SRRM2: variants seen among roughly 807,000 people sequenced by gnomAD.
SRRM2 encodes serine/arginine repetitive matrix 2.
In SRRM2, 30 loss-of-function variants were observed where a neutral mutation model predicts 213.8. That is an observed-to-expected ratio of 0.14 (90% CI 0.10 to 0.19). SRRM2 has a LOEUF of 0.19. SRRM2 is among the 10% of genes least tolerant of loss of function. The pLI is 1.00. For missense variants in SRRM2, 4,904 were observed against 3,647.0 expected, an observed-to-expected ratio of 1.34 and a Z score of -8.88; for synonymous variants, 2,025 against 1,377.7, an observed-to-expected ratio of 1.47 and a Z score of -10.40.
intron 10 of SRRM2, 108 bp from the exon 11 acceptor site, chr16:2,761,453 G>T: frequency 1.2e-6 from 1 of 863,838 alleles, no homozygotes; most frequent in South Asian, 2.7e-5. Flanking sequence ...TGTGGTCAGA[G>T]GGTGTGTAAA....
intron 1 of SRRM2, among the ~76,000 whole-genome samples, chr16:2,755,731 T>G (rs2068117733): frequency 6.6e-6 from 1 of 152,236 alleles, no homozygotes; most frequent in Non-Finnish European, 1.5e-5. Flanking sequence ...GGTGTGAGGC[T>G]GCACATTCTG....
Position 2,767,065 on chromosome 16 carries a change from C to T in SRRM2, c.6537C>T (p.Ser2179=), listed in dbSNP as rs1444166197. The change falls in exon 11 of 15, where the codon TCC becomes TCT. Residue 2179 remains serine (S), a synonymous_variant. Transcript: ENST00000301740. ...CTGTGCCAGAAAATCATGCTCAGTC[C>T]AGGATTGCACTTGCCCTGACAGCTA... The part of the protein sequence containing the change: ...RTSVPENHAQ[S]RIALALTAIS... 7.4e-6 allele frequency: 12 copies of T among 1,614,066 alleles called. No individual in the cohort carries two copies. Among genetic ancestry groups the T allele is most frequent in the Non-Finnish European group, 1.0e-5 (12 of 1,180,048 alleles).
At chr16:2,759,312 T>C in intron 7 of SRRM2, 40 bp from the exon 8 acceptor site, 1 of 1,610,648 alleles carries the variant, frequency 6.2e-7, no homozygotes, top group Non-Finnish European at 8.5e-7. Flanking sequence ...ATTTCCTTTT[T>C]TAAAGAAGTT....
Position 2,764,568 on chromosome 16 carries a change from T to G in SRRM2, c.4040T>G (p.Phe1347Cys). The stretch of plus-strand genomic sequence containing the variant: ...CTTGGTACAGAAATGAATACTGGAT[T>G]TTCTTCTGAGGTTAAAGAAGATTTG... ...GPLGTEMNTG[F>C]SSEVKEDLNG... The change falls in exon 11 of 15, where the codon TTT becomes TGT. Residue 1347 changes from phenylalanine to cysteine, a missense_variant. Physicochemically the swap from Phe to Cys is radical, Grantham distance 205. Coordinates refer to ENST00000301740, the MANE Select transcript of SRRM2 (RefSeq NM_016333.4). 2 of 1,614,252 alleles carry G rather than the reference T, an allele frequency of 1.2e-6. No homozygotes were observed. Among genetic ancestry groups the G allele is most frequent in the South Asian group, 2.2e-5 (2 of 91,086 alleles).
chr16:2,752,761 C>A lies in SRRM2; in HGVS notation c.-117C>A, dbSNP rs1488587527. On this transcript the variant is annotated 5_prime_UTR_variant, in exon 1 of 15. Coordinates refer to ENST00000301740, the MANE Select transcript of SRRM2 (RefSeq NM_016333.4). ...CGGGCGGACCGGCGAGGCGAGGCGG[C>A]GGCCCCAGGCCCGAGGGACTCGGGA... is the stretch of plus-strand genomic sequence containing the variant. 1 of 360,788 alleles carries A rather than the reference C, an allele frequency of 2.8e-6. No homozygotes were observed. The highest frequency in any genetic ancestry group is 5.5e-6 in the Non-Finnish European group (1 of 180,994). 22.3% of individuals were successfully genotyped at this position (360,788 alleles called of 1,614,324 possible).
chr16:2,757,167 T>A (rs1222403993), intron 2 of SRRM2, among the ~76,000 whole-genome samples: 1 of 152,114 alleles, frequency 6.6e-6, no homozygotes, highest in East Asian at 1.9e-4. Flanking sequence ...TACTTTGGAA[T>A]CCCAGGAAGT....
chr16:2,756,241 T>G lies in SRRM2; in HGVS notation c.-31-93T>G. The G allele has an allele frequency of 3.4e-6, 4 of 1,172,830 alleles. No individual in the cohort carries two copies. The South Asian group carries it at 4.8e-5, about 14-fold the overall frequency. 72.7% of individuals were successfully genotyped at this position (1,172,830 alleles called of 1,614,324 possible). On this transcript the variant is annotated intron_variant, in intron 1 of 14. Transcript: ENST00000301740. ...CTTAGTGTGAAGATCAATGTTGAAT[T>G]AGGGATGAAGGAGAGCAGGGACTTG...
At chr16:2,758,039 ACT>A (rs1402919976) in intron 4 of SRRM2, 94 bp downstream of exon 4, 4 of 1,452,618 alleles carry the variant, frequency 2.8e-6, no homozygotes, top group African/African-American at 2.9e-5. Context: ...TTCTTCCCAA[ACT>A]CTTCAGATTT....
Position 2,759,182 on chromosome 16 carries a change from C to CT in SRRM2, c.689+13dup, listed in dbSNP as rs1469444302. The CT allele has an allele frequency of 2.5e-6, 4 of 1,613,866 alleles. No individual in the cohort carries two copies. Among genetic ancestry groups the CT allele is most frequent in the Non-Finnish European group, 3.4e-6 (4 of 1,180,018 alleles). The stretch of plus-strand genomic sequence containing the variant: ...AGAAACGTAAGCATAGGTAAGAGCT[C>CT]TTTAACTCATAGGGGGCGCAGTGGC... On this transcript the variant is annotated intron_variant, in intron 7 of 14. Coordinates refer to ENST00000301740, the MANE Select transcript of SRRM2 (RefSeq NM_016333.4).
chr16:2,759,030 A>C lies in SRRM2; in HGVS notation c.639A>C (p.Ser213=). 6.2e-7 allele frequency: 1 copy of C among 1,614,206 alleles called. No individual in the cohort carries two copies. The highest frequency in any genetic ancestry group is 8.5e-7 in the Non-Finnish European group (1 of 1,180,024). Residue 213 remains serine (S), a synonymous_variant, in exon 6 of 15, where the codon TCA becomes TCC. Transcript: ENST00000301740. ...SSPRRERKKS[S]KKKKHRSESE... ...CTCGACGGGAGAGAAAGAAAAGCTCAAAGAAGAAGAAGCACAGGTATGAGG... is the reference window on the plus strand; with the variant it reads ...CTCGACGGGAGAGAAAGAAAAGCTCCAAGAAGAAGAAGCACAGGTATGAGG...
At chr16:2,757,382 A>C in intron 2 of SRRM2, 90 bp from the exon 3 acceptor site, 538 of 1,030,350 alleles carry the variant, frequency 5.2e-4, no homozygotes, top group Non-Finnish European at 7.3e-4. Context: ...ATGGAGAGGG[A>C]GGGGCCCCTT....
At position 2,768,169 on chromosome 16, in the gene SRRM2, A is replaced by ATCGTCG; in HGVS notation, c.7650_7655dup (p.Ser2555_Ser2556dup). 1 of 1,610,456 alleles carries ATCGTCG rather than the reference A, an allele frequency of 6.2e-7. No homozygotes were observed. The highest frequency in any genetic ancestry group is 8.5e-7 in the Non-Finnish European group (1 of 1,177,426). ...CCTCTAGCTCCTCCTCTTCTTCATCATCGTCGTCGTCGTCCTCCTCCTCCT... is the reference window on the plus strand; with the variant it reads ...CCTCTAGCTCCTCCTCTTCTTCATCATCGTCGTCGTCGTCGTCGTCCTCCTCCTCCT... On this transcript the variant is annotated inframe_insertion, in exon 11 of 15. Transcript: ENST00000301740.
At chr16:2,758,150 G>C (rs1212816731) in intron 4 of SRRM2, among the ~76,000 whole-genome samples, 1 of 152,204 alleles carries the variant, frequency 6.6e-6, no homozygotes, top group East Asian at 1.9e-4. Context: ...TCAGGCAGGA[G>C]ATCACTTGAG....
At chr16:2,759,806 G>A in intron 9 of SRRM2, 145 bp downstream of exon 9, 1 of 661,922 alleles carries the variant, frequency 1.5e-6, no homozygotes, top group Non-Finnish European at 2.6e-6. Context: ...ACAGGCTAAA[G>A]CAACAGGATG....
rs759323590 is a variant in SRRM2, at chr16:2,761,653, C to T, written c.1125C>T (p.Gly375=). The T allele has an allele frequency of 8.2e-6, 13 of 1,586,102 alleles. No homozygotes were observed. In the East Asian group the frequency reaches 1.6e-4, roughly 19 times the overall value. The change falls in exon 11 of 15, where the codon GGC becomes GGT. Residue 375 remains glycine, a synonymous_variant. Transcript: ENST00000301740. The part of the protein sequence containing the change: ...APTPLLAERH[G]GSPQPLATTP... Reference sequence around the variant, plus strand: ...CTCCGCTCCTTGCTGAGCGACATGGCGGCTCCCCACAACCCCTTGCAACCA... The same window carrying T: ...CTCCGCTCCTTGCTGAGCGACATGGTGGCTCCCCACAACCCCTTGCAACCA...
Position 2,765,235 on chromosome 16 carries a change from A to G in SRRM2, c.4707A>G (p.Thr1569=). The G allele has an allele frequency of 1.2e-6, 2 of 1,614,076 alleles. No individual in the cohort carries two copies. The highest frequency in any genetic ancestry group is 1.7e-6 in the Non-Finnish European group (2 of 1,179,940). The stretch of plus-strand genomic sequence containing the variant: ...CTTCTCCAGATTCTAAAGCCAAGAC[A>G]AGAACCCCACTTCGGCAGAGGAGTC... The part of the protein sequence containing the change: ...SDSSPDSKAK[T]RTPLRQRSRS... The change falls in exon 11 of 15, where the codon ACA becomes ACG. Residue 1569 remains threonine (T), a synonymous_variant. Transcript: ENST00000301740.
intron 5 of SRRM2, 200 bp downstream of exon 5, chr16:2,758,747 A>C: frequency 1.5e-6 from 1 of 674,844 alleles, no homozygotes; most frequent in Non-Finnish European, 2.5e-6. Context: ...CTGCTAATTA[A>C]GATTGGCCAG....
Position 2,757,588 on chromosome 16 carries a change from T to TG in SRRM2, c.350+10dup, listed in dbSNP as rs754934395. 6.2e-7 allele frequency: 1 copy of TG among 1,611,130 alleles called. No homozygotes were observed. Among genetic ancestry groups the TG allele is most frequent in the Non-Finnish European group, 8.5e-7 (1 of 1,178,018 alleles). On this transcript the variant is annotated intron_variant, in intron 3 of 14. Transcript: ENST00000301740. ...CCAGGGCAGAGGCCAGCGTGAGTGT[T>TG]GCGCTCTCCCTCGATGACTCTGGAC...
Position 2,761,583 on chromosome 16 carries a change from C to T in SRRM2, c.1055C>T (p.Pro352Leu), listed in dbSNP as rs1290826447. 6.6e-7 allele frequency: 1 copy of T among 1,514,694 alleles called. No individual in the cohort carries two copies. Among genetic ancestry groups the T allele is most frequent in the Non-Finnish European group, 8.8e-7 (1 of 1,133,998 alleles). 93.8% of individuals were successfully genotyped at this position (1,514,694 alleles called of 1,614,324 possible). ...KKEKSATRPS[P>L]SPERSSTGPE... ...TAGAAATCTGCAACTCGACCTAGCC[C>T]CTCTCCGGAAAGGAGCAGCACAGGC... Residue 352 changes from proline to leucine, a missense_variant, in exon 11 of 15, where the codon CCC (proline) becomes CTC (leucine). By Grantham distance (98) the Pro-to-Leu change is moderately conservative (BLOSUM62 -3). Transcript: ENST00000301740.
Sources: gnomAD v4.1 joint callset for allele counts (sites outside exome capture counted in the v4.1 genomes callset) on GRCh38, gnomAD v4.1.1 for gene constraint, MANE v1.5 for transcripts, NCBI Gene and HGNC (gene_info 2026-07-23, HGNC 2026-07-21) for gene names.